Variants in ATP11A observed in about 807,000 individuals in gnomAD.
ATP11A encodes the protein phospholipid-transporting ATPase IH.
ATP11A carries 81 observed loss-of-function variants against 154.4 expected under a neutral mutation model. The ratio of observed to expected loss-of-function variants is 0.52; its 90% CI spans 0.44 to 0.63. The LOEUF (loss-of-function observed/expected upper bound fraction) is 0.63, where lower values mean the gene tolerates loss of function less well. Ranked by LOEUF, ATP11A falls within the 30% of genes least tolerant of loss-of-function variation. ATP11A has a pLI of 0.00. For synonymous variants in ATP11A, 623 were observed against 585.9 expected, an observed-to-expected ratio of 1.06 and a Z score of -0.91; for missense variants, 1,316 against 1,474.3, an observed-to-expected ratio of 0.89 and a Z score of 1.76.
At chr13:112,692,344 G>A (rs1484380171) in intron 1 of ATP11A, among the ~76,000 whole-genome samples, 1 of 152,228 alleles carries the variant, frequency 6.6e-6, no homozygotes, top group Non-Finnish European at 1.5e-5. Flanking sequence ...AGAAATGAGA[G>A]ATGGATGGGC....
chr13:112,862,264 A>G (rs1014942421), intron 24 of ATP11A, among the ~76,000 whole-genome samples, 176 bp from the exon 25 acceptor site: 1 of 152,246 alleles, frequency 6.6e-6, no homozygotes, highest in African/African-American at 2.4e-5. Context: ...TGGGTAGTGA[A>G]ATGCTGGTTG....
At chr13:112,873,398 G>T in intron 26 of ATP11A, 175 bp from the exon 27 acceptor site, 2 of 498,032 alleles carry the variant, frequency 4.0e-6, no homozygotes, top group Non-Finnish European at 7.0e-6. Context: ...CTTCCTGAGC[G>T]GTGTGAGGTG....
intron 25 of ATP11A, among the ~76,000 whole-genome samples, chr13:112,870,012 A>G (rs1453520473): frequency 6.6e-6 from 1 of 152,072 alleles, no homozygotes; most frequent in Non-Finnish European, 1.5e-5. Context: ...CACGCCCCAG[A>G]AATGTCTCCA....
At chr13:112,768,075 C>A (rs763961361) in intron 1 of ATP11A, among the ~76,000 whole-genome samples, 1 of 152,208 alleles carries the variant, frequency 6.6e-6, no homozygotes, top group African/African-American at 2.4e-5. Flanking sequence ...TTCGTTTCTC[C>A]TGAAGGTTTT....
chr13:112,859,109 G>A lies in ATP11A; in HGVS notation c.2668-284G>A, dbSNP rs994345765. On this transcript the variant is annotated intron_variant, in intron 22 of 29. Coordinates refer to ENST00000375645, the MANE Select transcript of ATP11A (RefSeq NM_015205.3). This position sits in a 1 kb window ranked among gnomAD's most constrained non-coding sequence, Gnocchi z 4.3. ...GGATTCCTTATTCACTGTGCAGTTC[G>A]ATTCTTTCCCGTTTATACTGATACC... 11 of 404,780 alleles carry A rather than the reference G, an allele frequency of 2.7e-5. 1 individual carries two copies. Among genetic ancestry groups the A allele is most frequent in the East Asian group, 5.2e-5 (1 of 19,202 alleles). The allele number at this position is 404,780 out of a possible 1,614,324, so 25.1% of individuals were successfully genotyped here. A position where few individuals can be genotyped will look rare whatever the true frequency, so the allele number is the denominator to read the frequency against.
intron 1 of ATP11A, among the ~76,000 whole-genome samples, chr13:112,783,397 GC>G (rs1181787623): frequency 4.6e-5 from 7 of 152,252 alleles, no homozygotes; most frequent in African/African-American, 1.4e-4. Flanking sequence ...CGGGCCCCTG[GC>G]CTTGTTCTGT....
chr13:112,864,076 C>T (rs1349839640), intron 25 of ATP11A, among the ~76,000 whole-genome samples: 2 of 82,676 alleles, frequency 2.4e-5, no homozygotes, highest in African/African-American at 4.6e-5. Context: ...TCAGTGCAGG[C>T]CATGCAGCTT....
At chr13:112,727,206 C>G (rs1263851375) in intron 1 of ATP11A, among the ~76,000 whole-genome samples, 1 of 152,138 alleles carries the variant, frequency 6.6e-6, no homozygotes, top group Non-Finnish European at 1.5e-5. Context: ...TGCCACCATG[C>G]CTGGCTAATT....
At chr13:112,695,652 C>T (rs934023056) in intron 1 of ATP11A, among the ~76,000 whole-genome samples, 3 of 152,152 alleles carry the variant, frequency 2.0e-5, no homozygotes, top group African/African-American at 7.2e-5. Flanking sequence ...CTTCAGTTTA[C>T]AATTAGTTAA....
At chr13:112,760,378 T>C (rs538034757) in intron 1 of ATP11A, among the ~76,000 whole-genome samples, 1 of 152,278 alleles carries the variant, frequency 6.6e-6, no homozygotes, top group Admixed American at 6.5e-5. Flanking sequence ...AAGCCCCCAG[T>C]AAGTTTAGCA....
At chr13:112,701,250 C>A (rs894361476) in intron 1 of ATP11A, among the ~76,000 whole-genome samples, 7 of 152,224 alleles carry the variant, frequency 4.6e-5, no homozygotes, top group African/African-American at 1.7e-4. Context: ...CTGGCAGTTA[C>A]AAGTGTGTTA....
At chr13:112,716,993 A>G (rs1164426453) in intron 1 of ATP11A, among the ~76,000 whole-genome samples, 1 of 152,048 alleles carries the variant, frequency 6.6e-6, no homozygotes, top group Non-Finnish European at 1.5e-5. Context: ...ACGCAGACCC[A>G]CTGGCCTGCA....
rs569899106 is a variant in ATP11A at position 112,720,617 on chromosome 13, G to T, written c.39+30162G>T. On this transcript the variant is annotated intron_variant, in intron 1 of 29. Coordinates refer to ENST00000375645, the MANE Select transcript of ATP11A (RefSeq NM_015205.3). ...TCTGTCGCCAGGCTGGAGTACAGTG[G>T]CATGATCTCAGCTCACTGCAACCTC... Among the ~76,000 whole-genome samples the T allele has an allele frequency of 2.6e-5, 4 of 152,254 alleles. No homozygotes were observed. In the South Asian group the frequency reaches 6.2e-4, roughly 24 times the overall value.
At chr13:112,844,907 C>G (rs2079539913) in intron 17 of ATP11A, among the ~76,000 whole-genome samples, 1 of 151,928 alleles carries the variant, frequency 6.6e-6, no homozygotes, top group Non-Finnish European at 1.5e-5. Context: ...CGGTACTAGT[C>G]CAGTTACTGG....
Position 112,753,922 on chromosome 13 carries a change from G to C in ATP11A, c.40-31213G>C, listed in dbSNP as rs1472604079. 6.6e-6 allele frequency among the ~76,000 whole-genome samples: 1 copy of C among 152,218 alleles called. No individual in the cohort carries two copies. The highest frequency in any genetic ancestry group is 2.4e-5 in the African/African-American group (1 of 41,448). On this transcript the variant is annotated intron_variant, in intron 1 of 29. Transcript: ENST00000375645. The surrounding 1 kb of genome is among the most constrained non-coding windows in gnomAD (Gnocchi z 4.1). The stretch of plus-strand genomic sequence containing the variant: ...GGAATTAAAGAAAGAAGCCATCTAT[G>C]TTCTTCCTGGGGCATCATTTGAGCT...
At chr13:112,729,163 C>G (rs1430908075) in intron 1 of ATP11A, among the ~76,000 whole-genome samples, 1 of 152,190 alleles carries the variant, frequency 6.6e-6, no homozygotes, top group African/African-American at 2.4e-5. Context: ...TTTCTGTTAG[C>G]GTATCATCCC....
At chr13:112,849,403 A>G (rs2079698989) in intron 17 of ATP11A, among the ~76,000 whole-genome samples, 2 of 152,252 alleles carry the variant, frequency 1.3e-5, no homozygotes, top group Admixed American at 1.3e-4. Flanking sequence ...TTACCACAAG[A>G]GAAAGTCCCT....
chr13:112,881,151 C>G (rs559808145), intron 29 of ATP11A: 1 of 987,712 alleles, frequency 1.0e-6, no homozygotes, highest in African/African-American at 1.8e-5. Context: ...CCGCCGCTGC[C>G]CCCTGGTCTA....
At chr13:112,693,314 T>A (rs1274496961) in intron 1 of ATP11A, among the ~76,000 whole-genome samples, 2 of 151,912 alleles carry the variant, frequency 1.3e-5, no homozygotes, top group African/African-American at 4.8e-5. Context: ...CCTGGGGTGA[T>A]GTATGTGCTC....
Sources: gnomAD v4.1 joint callset for allele counts (sites outside exome capture counted in the v4.1 genomes callset) on GRCh38, gnomAD v4.1.1 for gene constraint, Gnocchi (gnomAD v3.1) non-coding constraint, MANE v1.5 for transcripts, NCBI Gene and HGNC (gene_info 2026-07-23, HGNC 2026-07-21) for gene names.